RSPO3: variants seen among roughly 807,000 people sequenced by gnomAD.
RSPO3 encodes the protein R-spondin-3.
Under a neutral mutation model 36.5 loss-of-function variants are expected in RSPO3, and 17 were observed. The observed-to-expected ratio is 0.47, with a 90% CI of 0.32 to 0.70. RSPO3 has a LOEUF of 0.70. RSPO3 is among the 30% of genes least tolerant of loss of function. RSPO3 has a pLI of 0.04. For synonymous variants in RSPO3, 108 were observed against 107.0 expected (o/e 1.01, Z -0.06); for missense variants, 294 against 322.5 (o/e 0.91, Z 0.68).
chr6:127,166,216 A>G (rs751034483), intron 4 of RSPO3, among the ~76,000 whole-genome samples: 23 of 152,002 alleles, frequency 1.5e-4, no homozygotes, highest in Non-Finnish European at 3.4e-4. Context: ...ACGTCTTTCT[A>G]ATTCATCTTT....
intron 4 of RSPO3, among the ~76,000 whole-genome samples, chr6:127,162,198 A>G (rs1448225302): frequency 2.6e-5 from 4 of 152,184 alleles, no homozygotes; most frequent in African/African-American, 9.6e-5. Flanking sequence ...TATACTAGTC[A>G]TAAGCCTAGT....
chr6:127,153,540 G>A (rs941279478), intron 3 of RSPO3, among the ~76,000 whole-genome samples: 1 of 151,966 alleles, frequency 6.6e-6, no homozygotes, highest in African/African-American at 2.4e-5. Context: ...GTTGTCCGTA[G>A]AATTTAATTT....
chr6:127,145,597 C>A (rs1774368754), intron 1 of RSPO3, among the ~76,000 whole-genome samples: 1 of 152,130 alleles, frequency 6.6e-6, no homozygotes, highest in South Asian at 2.1e-4. Context: ...GTCTCCTTCC[C>A]AGCTTGGGTC....
chr6:127,125,616 AAAGATT>A (rs1172862509), intron 1 of RSPO3, among the ~76,000 whole-genome samples: 2 of 152,212 alleles, frequency 1.3e-5, no homozygotes, highest in African/African-American at 4.8e-5. Flanking sequence ...TTTAACAGAT[AAAGATT>A]GAGTACAAAC....
chr6:127,163,929 C>T (rs1325190471), intron 4 of RSPO3, among the ~76,000 whole-genome samples: 3 of 152,134 alleles, frequency 2.0e-5, no homozygotes, highest in Middle Eastern at 3.4e-3. Flanking sequence ...ATCACTGCAT[C>T]GCCTTCTGCT....
intron 1 of RSPO3, among the ~76,000 whole-genome samples, chr6:127,127,705 C>CT (rs1773965241): frequency 6.6e-6 from 1 of 152,070 alleles, no homozygotes; most frequent in Non-Finnish European, 1.5e-5. Context: ...CAAGGTCCTT[C>CT]TTTGATTCTT....
At chr6:127,136,926 T>G (rs1774172378) in intron 1 of RSPO3, among the ~76,000 whole-genome samples, 1 of 152,166 alleles carries the variant, frequency 6.6e-6, no homozygotes, top group African/African-American at 2.4e-5. Context: ...CCCATTTGAA[T>G]ACCCATGAAT....
At chr6:127,134,959 G>A (rs754855343) in intron 1 of RSPO3, among the ~76,000 whole-genome samples, 2 of 152,282 alleles carry the variant, frequency 1.3e-5, no homozygotes, top group African/African-American at 2.4e-5. Flanking sequence ...AATGCCAGAG[G>A]AGGTTTAAAT....
chr6:127,121,111 G>T (rs923554139), intron 1 of RSPO3, among the ~76,000 whole-genome samples: 2 of 152,200 alleles, frequency 1.3e-5, no homozygotes, highest in African/African-American at 4.8e-5. Flanking sequence ...TACCCCCACC[G>T]AGGACCCCCG....
At chr6:127,120,250 T>C (rs551732890) in intron 1 of RSPO3, among the ~76,000 whole-genome samples, 2 of 152,246 alleles carry the variant, frequency 1.3e-5, no homozygotes, top group East Asian at 3.9e-4. Flanking sequence ...GATGCGAAGG[T>C]GTCACCTCTC....
At chr6:127,170,734 A>AGAT (rs1337288569) in intron 4 of RSPO3, among the ~76,000 whole-genome samples, 1 of 151,814 alleles carries the variant, frequency 6.6e-6, no homozygotes, top group African/African-American at 2.4e-5. Context: ...GCCACAGCAT[A>AGAT]GATAAACCTT....
intron 3 of RSPO3, among the ~76,000 whole-genome samples, chr6:127,153,599 A>T (rs899652318): frequency 1.4e-4 from 21 of 152,072 alleles, no homozygotes; most frequent in African/African-American, 4.6e-4. Flanking sequence ...CCTAAGCTGT[A>T]ATTTTTTAAA....
chr6:127,127,998 A>G (rs138018635), intron 1 of RSPO3, among the ~76,000 whole-genome samples: 35 of 152,208 alleles, frequency 2.3e-4, no homozygotes, highest in African/African-American at 7.9e-4. Flanking sequence ...TTTTTTCATT[A>G]AAAGCAATAG....
intron 3 of RSPO3, 48 bp from the exon 4 acceptor site, chr6:127,155,193 G>C (rs1774568370): frequency 6.4e-7 from 1 of 1,570,744 alleles, no homozygotes; most frequent in African/African-American, 1.4e-5. Flanking sequence ...CAACAATAGT[G>C]AAAGTGGTTG....
rs759690704 is a variant in RSPO3 at position 127,155,348 on chromosome 6, C to A, written c.544C>A (p.His182Asn). ...TETRVREIIQ[H>N]PSAKGNLCPP... The stretch of plus-strand genomic sequence containing the variant: ...AACACGGGTCCGAGAAATAATACAG[C>A]ATCCTTCAGCAAAGGGTAACCTGTG... Residue 182 changes from histidine (H) to asparagine (N), a missense_variant, in exon 4 of 5, where the codon CAT (histidine) becomes AAT (asparagine). Coordinates refer to ENST00000356698, the MANE Select transcript of RSPO3 (RefSeq NM_032784.5). The A allele has an allele frequency of 1.2e-6, 2 of 1,613,818 alleles. No homozygotes were observed. The highest frequency in any genetic ancestry group is 1.7e-6 in the Non-Finnish European group (2 of 1,179,864).
At chr6:127,183,200 G>A (rs375063334) in intron 4 of RSPO3, among the ~76,000 whole-genome samples, 4 of 152,036 alleles carry the variant, frequency 2.6e-5, no homozygotes, top group East Asian at 3.9e-4. Flanking sequence ...AATGCCTTCT[G>A]GAAACAAGAG....
chr6:127,133,600 T>C (rs757539881), intron 1 of RSPO3, among the ~76,000 whole-genome samples: 2 of 152,092 alleles, frequency 1.3e-5, no homozygotes, highest in Non-Finnish European at 2.9e-5. Flanking sequence ...TGTAGCATGC[T>C]CTAACCTTAG....
chr6:127,138,162 AT>A (rs1774199416), intron 1 of RSPO3, among the ~76,000 whole-genome samples: 1 of 152,006 alleles, frequency 6.6e-6, no homozygotes, highest in Admixed American at 6.5e-5. Flanking sequence ...AATCCAGGCC[AT>A]TTTTACACAC....
intron 4 of RSPO3, among the ~76,000 whole-genome samples, chr6:127,188,927 T>A (rs1266663634): frequency 6.6e-6 from 1 of 152,164 alleles, no homozygotes; most frequent in African/African-American, 2.4e-5. Context: ...TGTCACATTG[T>A]GCTCTATTGA....
Sources: allele counts gnomAD v4.1 joint callset (sites outside exome capture counted in the v4.1 genomes callset), GRCh38; gene constraint gnomAD v4.1.1; transcripts MANE v1.5; gene names NCBI Gene and HGNC (gene_info 2026-07-23, HGNC 2026-07-21).